Variants in ZNF609 observed in about 807,000 individuals in gnomAD.
ZNF609 encodes zinc finger protein 609.
Under a neutral mutation model 109.5 loss-of-function variants are expected in ZNF609, and 11 were observed. The observed-to-expected ratio is 0.10, with a 90% confidence interval of 0.06 to 0.17. ZNF609 has a LOEUF of 0.17. ZNF609 is among the 10% of genes least tolerant of loss of function. The pLI, the probability that ZNF609 is intolerant of heterozygous loss-of-function variation, is 1.00. For missense variants in ZNF609, 1,559 were observed against 1,772.4 expected (o/e 0.88, Z 2.16); for synonymous variants, 646 against 662.0 (o/e 0.98, Z 0.37).
chr15:64,655,311 A>G lies in ZNF609; in HGVS notation c.974-15035A>G, dbSNP rs1005091626. Among the ~76,000 whole-genome samples, 4 of 150,392 alleles carry G rather than the reference A, an allele frequency of 2.7e-5. No individual in the cohort carries two copies. The South Asian group carries it at 8.4e-4, about 32-fold the overall frequency. ...ATACAAAATTAGCCGGCATGGTGGC[A>G]CATGCCTGTAATCCCAGCTACTCGG... On this transcript the variant is annotated intron_variant, in intron 3 of 9. Transcript: ENST00000326648.
At chr15:64,478,841 A>G (rs541045009) in intron 1 of ZNF609, among the ~76,000 whole-genome samples, 6 of 152,186 alleles carry the variant, frequency 3.9e-5, no homozygotes, top group Non-Finnish European at 5.9e-5. Flanking sequence ...CATTCTCCCT[A>G]CCTATGCTTA....
intron 3 of ZNF609, among the ~76,000 whole-genome samples, chr15:64,633,898 T>TA (rs993975815): frequency 7.5e-5 from 11 of 147,630 alleles, no homozygotes; most frequent in South Asian, 2.2e-4. Flanking sequence ...AAAAAATTAT[T>TA]AAAAAAAAAA....
At chr15:64,673,846 C>T in intron 4 of ZNF609, 70 bp from the exon 5 acceptor site, 1 of 1,508,636 alleles carries the variant, frequency 6.6e-7, no homozygotes, top group South Asian at 1.3e-5. Context: ...GTTCTGGAGG[C>T]TACAGCTAAA....
In ZNF609 at chr15:64,686,011, A is replaced by G. The variant is rs1027359074; in HGVS notation, c.*4325A>G. The G allele has an allele frequency of 2.0e-5, 3 of 151,898 alleles. No individual in the cohort carries two copies. Among genetic ancestry groups the G allele is most frequent in the Non-Finnish European group, 4.4e-5 (3 of 67,986 alleles). The allele number at this position is 151,898 out of a possible 1,614,324, so 9.4% of individuals were successfully genotyped here. ...TTAATTGGCTTTGGAATTGAAATAT[A>G]TTTTTAAATTATTTGTTGTATTTAT... On this transcript the variant is annotated 3_prime_UTR_variant, in exon 10 of 10. Coordinates refer to ENST00000326648, the MANE Select transcript of ZNF609 (RefSeq NM_015042.2).
intron 3 of ZNF609, among the ~76,000 whole-genome samples, chr15:64,644,245 C>A (rs1035713615): frequency 2.0e-5 from 3 of 152,114 alleles, no homozygotes; most frequent in Admixed American, 6.5e-5. Flanking sequence ...CACCTATAAT[C>A]CCAGTACTTT....
chr15:64,606,326 C>T (rs952266960), intron 2 of ZNF609, among the ~76,000 whole-genome samples: 1 of 151,344 alleles, frequency 6.6e-6, no homozygotes, highest in African/African-American at 2.4e-5. Context: ...AATCTCAGCA[C>T]TTTGGGAGGC....
chr15:64,511,624 G>A (rs1158288296), intron 2 of ZNF609, among the ~76,000 whole-genome samples: 1 of 152,026 alleles, frequency 6.6e-6, no homozygotes, highest in African/African-American at 2.4e-5. Flanking sequence ...AGACAGCTTA[G>A]GGTACGTATC....
Position 64,577,410 on chromosome 15 carries a change from T to C in ZNF609, c.748-45417T>C, listed in dbSNP as rs867981762. ...ATATATACACATATATGTATATATATACACATATAAATATATACACATATA... is the reference window on the plus strand; with the variant it reads ...ATATATACACATATATGTATATATACACACATATAAATATATACACATATA... On this transcript the variant is annotated intron_variant, in intron 2 of 9. Transcript: ENST00000326648. Among the ~76,000 whole-genome samples, 13 of 19,446 alleles carry C rather than the reference T, an allele frequency of 6.7e-4. 6 individuals are homozygous for C. Among genetic ancestry groups the C allele is most frequent in the South Asian group, 4.5e-3 (7 of 1,548 alleles). 12.8% of individuals were successfully genotyped at this position (19,446 alleles called of 152,430 possible).
intron 2 of ZNF609, among the ~76,000 whole-genome samples, chr15:64,545,424 C>T (rs138177944): frequency 7.4e-4 from 112 of 152,298 alleles, no homozygotes; most frequent in African/African-American, 2.6e-3. Context: ...GACTTGAACT[C>T]CTGAGCTCAA....
rs532463999 is a variant in ZNF609 at position 64,600,682 on chromosome 15, AGAGG to A, written c.748-22128_748-22125del. 3.4e-4 allele frequency among the ~76,000 whole-genome samples: 30 copies of A among 87,464 alleles called. 1 individual carries two copies. In the East Asian group the frequency reaches 4.7e-3, roughly 14 times the overall value. The allele number at this position is 87,464 out of a possible 152,430, so 57.4% of individuals were successfully genotyped here. ...GGATGGCGGGGGTGGGGGCGGGAGA[AGAGG>A]GAGGGAGGGAGGGAGGAAGGAAGAA... is the stretch of plus-strand genomic sequence containing the variant. On this transcript the variant is annotated intron_variant, in intron 2 of 9. Coordinates refer to ENST00000326648, the MANE Select transcript of ZNF609 (RefSeq NM_015042.2).
At chr15:64,647,136 CAA>C (rs35996097) in intron 3 of ZNF609, among the ~76,000 whole-genome samples, 2 of 119,820 alleles carry the variant, frequency 1.7e-5, no homozygotes. Context: ...ACCCTGTCTC[CAA>C]AAAAAAAAAA....
At chr15:64,504,732 C>T (rs1164494851) in intron 2 of ZNF609, among the ~76,000 whole-genome samples, 1 of 151,626 alleles carries the variant, frequency 6.6e-6, no homozygotes, top group African/African-American at 2.4e-5. Context: ...CCACCTGCTT[C>T]GGCCTCCCAG....
At chr15:64,592,946 A>G in intron 2 of ZNF609, 2 of 870,352 alleles carry the variant, frequency 2.3e-6, no homozygotes, top group Non-Finnish European at 3.7e-6. Context: ...AATAAAAATA[A>G]TGTTTTTGCT....
At chr15:64,484,675 CAA>C (rs35508980) in intron 1 of ZNF609, among the ~76,000 whole-genome samples, 1 of 69,924 alleles carries the variant, frequency 1.4e-5, no homozygotes. Context: ...GACTCTGTCT[CAA>C]AAAAAAAAAA....
intron 1 of ZNF609, among the ~76,000 whole-genome samples, chr15:64,469,804 G>A (rs923159481): frequency 6.6e-6 from 1 of 152,174 alleles, no homozygotes; most frequent in East Asian, 1.9e-4. Flanking sequence ...CGAGGCGGGT[G>A]GATCAGCTTG....
chr15:64,589,163 G>A (rs1050358979), intron 2 of ZNF609, among the ~76,000 whole-genome samples: 9 of 152,156 alleles, frequency 5.9e-5, no homozygotes, highest in Admixed American at 4.6e-4. Flanking sequence ...GTGTGGACAT[G>A]TTCCAACCTG....
Position 64,499,408 on chromosome 15 carries a change from G to C in ZNF609, c.-12G>C. 6.2e-7 allele frequency: 1 copy of C among 1,609,006 alleles called. No individual in the cohort carries two copies. Among genetic ancestry groups the C allele is most frequent in the Non-Finnish European group, 8.5e-7 (1 of 1,176,680 alleles). ...AGAGCCTTGAATCTTGAGGTGGGAC[G>C]TTGACTCTAAGATGTCCTTGAGCAG... On this transcript the variant is annotated 5_prime_UTR_variant, in exon 2 of 10. Transcript: ENST00000326648.
At chr15:64,573,614 C>T (rs901214615) in intron 2 of ZNF609, among the ~76,000 whole-genome samples, 13 of 151,880 alleles carry the variant, frequency 8.6e-5, no homozygotes, top group South Asian at 4.2e-4. Context: ...CCGCCCACCT[C>T]GGCCTCCCAA....
In ZNF609 at chr15:64,674,295, G is replaced by C; in HGVS notation, c.1441G>C (p.Glu481Gln). 6.2e-7 allele frequency: 1 copy of C among 1,614,142 alleles called. No individual in the cohort carries two copies. Among genetic ancestry groups the C allele is most frequent in the Non-Finnish European group, 8.5e-7 (1 of 1,180,028 alleles). Residue 481 changes from glutamate (E) to glutamine (Q), a missense_variant, in exon 5 of 10, where the codon GAA (glutamate) becomes CAA (glutamine). By Grantham distance (29) the Glu-to-Gln change is conservative. Transcript: ENST00000326648. Reference protein sequence around the residue: ...ATGPLPGTKVEPTVLDRNCPS... With the variant: ...ATGPLPGTKVQPTVLDRNCPS... ...TGGCCCCCTTCCTGGGACAAAGGTA[G>C]AACCCACTGTTCTGGACAGAAACTG...
Sources: allele counts gnomAD v4.1 joint callset (sites outside exome capture counted in the v4.1 genomes callset), GRCh38; gene constraint gnomAD v4.1.1; transcripts MANE v1.5; gene names NCBI Gene and HGNC (gene_info 2026-07-23, HGNC 2026-07-21).